Variants in MEI4 observed in about 807,000 individuals in gnomAD.
MEI4 encodes meiosis-specific protein MEI4.
A neutral mutation model predicts 31.4 loss-of-function variants in MEI4; 27 were observed. That is an observed-to-expected ratio of 0.86 (90% CI 0.63 to 1.19). The LOEUF (loss-of-function observed/expected upper bound fraction) is 1.19, where lower values mean the gene tolerates loss of function less well. MEI4 is among the 50% of genes most tolerant of loss of function. MEI4 has a pLI of 0.00. For missense variants in MEI4, 329 were observed against 398.9 expected (o/e 0.82, Z 1.49); for synonymous variants, 122 against 145.4 (o/e 0.84, Z 1.16).
At chr6:77,730,062 C>T (rs751523203) in intron 2 of MEI4, among the ~76,000 whole-genome samples, 6 of 151,890 alleles carry the variant, frequency 4.0e-5, no homozygotes, top group Non-Finnish European at 4.4e-5. Context: ...CAAACAAAGT[C>T]AGGCAAATTC....
At chr6:77,679,034 A>G (rs1422346134) in intron 1 of MEI4, among the ~76,000 whole-genome samples, 2 of 152,238 alleles carry the variant, frequency 1.3e-5, no homozygotes, top group African/African-American at 4.8e-5. Flanking sequence ...TATACAATGT[A>G]TATATGTTTC....
intron 3 of MEI4, among the ~76,000 whole-genome samples, chr6:77,806,008 A>T (rs557085531): frequency 1.3e-5 from 2 of 152,096 alleles, no homozygotes; most frequent in Non-Finnish European, 2.9e-5. Context: ...GATGAAAATA[A>T]CCTGACCTCT....
intron 4 of MEI4, among the ~76,000 whole-genome samples, chr6:77,913,936 A>T (rs35013493): frequency 0.29 from 44,238 of 150,826 alleles, 7,051 homozygotes; most frequent in South Asian, 0.38. Flanking sequence ...CCAGAGGCTA[A>T]GGCAGGAGAA....
chr6:77,770,522 C>T, intron 3 of MEI4, among the ~76,000 whole-genome samples: 1 of 151,802 alleles, frequency 6.6e-6, no homozygotes, highest in Non-Finnish European at 1.5e-5. Context: ...TTACACAGAA[C>T]CAAAAAAGAG....
intron 3 of MEI4, among the ~76,000 whole-genome samples, chr6:77,798,123 T>A (rs1769131190): frequency 1.3e-5 from 2 of 152,024 alleles, no homozygotes; most frequent in Admixed American, 1.3e-4. Flanking sequence ...ATTTTCAGTT[T>A]AAGATTCATA....
At chr6:77,727,448 G>A (rs928617632) in intron 2 of MEI4, among the ~76,000 whole-genome samples, 1 of 152,154 alleles carries the variant, frequency 6.6e-6, no homozygotes, top group African/African-American at 2.4e-5. Context: ...GCATTTACCA[G>A]GGACAGTCTG....
intron 4 of MEI4, among the ~76,000 whole-genome samples, chr6:77,883,771 G>A (rs12195420): frequency 0.045 from 3,031 of 67,100 alleles, 59 homozygotes; most frequent in Non-Finnish European, 0.063. Context: ...TTCATTTATT[G>A]GTGGACAGTT....
At chr6:77,907,855 A>G (rs1180062020) in intron 4 of MEI4, among the ~76,000 whole-genome samples, 7 of 151,922 alleles carry the variant, frequency 4.6e-5, no homozygotes, top group Admixed American at 1.3e-4. Context: ...TTGGTATGAG[A>G]TGGTATCTCA....
chr6:77,848,899 A>G (rs528369447), intron 4 of MEI4, among the ~76,000 whole-genome samples: 15 of 152,216 alleles, frequency 9.9e-5, no homozygotes, highest in East Asian at 3.9e-4. Flanking sequence ...AGTTCTTACT[A>G]TGGGGGAAGT....
At chr6:77,903,629 A>G (rs1766230499) in intron 4 of MEI4, among the ~76,000 whole-genome samples, 1 of 152,090 alleles carries the variant, frequency 6.6e-6, no homozygotes, top group Admixed American at 6.6e-5. Context: ...TAGAGGAAAG[A>G]CTTTCAACTT....
At chr6:77,858,994 G>C (rs1770804491) in intron 4 of MEI4, among the ~76,000 whole-genome samples, 1 of 151,378 alleles carries the variant, frequency 6.6e-6, no homozygotes, top group Non-Finnish European at 1.5e-5. Flanking sequence ...GCTGCACCTA[G>C]TGACCTCTCC....
chr6:77,924,819 G>T lies in MEI4; in HGVS notation c.*1473G>T, dbSNP rs997463309. ...ATCAAATGGTCAAGCCCAAAGAAAA[G>T]TGACTGACAGGGGAGTAGACTTGAG... On this transcript the variant is annotated 3_prime_UTR_variant, in exon 5 of 5. Transcript: ENST00000684080. 3.3e-5 allele frequency: 5 copies of T among 151,878 alleles called. No individual in the cohort carries two copies. In the Admixed American group the frequency reaches 3.3e-4, roughly 10 times the overall value. The allele number at this position is 151,878 out of a possible 1,614,324, so 9.4% of individuals were successfully genotyped here.
chr6:77,735,955 G>C (rs1027813560), intron 2 of MEI4, among the ~76,000 whole-genome samples: 6 of 113,070 alleles, frequency 5.3e-5, no homozygotes, highest in African/African-American at 1.2e-4. Context: ...CGGGGGTCAG[G>C]GGTCAGGGAC....
At position 77,880,396 on chromosome 6, in the gene MEI4, AATTT is replaced by A. The variant is rs770165293; in HGVS notation, c.901-42692_901-42689del. On this transcript the variant is annotated intron_variant, in intron 4 of 4. Transcript: ENST00000684080. ...CAGGCGCCCACCACCACGCCTGGCT[AATTT>A]TTTTGTATTTTTAGTAGAGACGGGG... is the stretch of plus-strand genomic sequence containing the variant. 1.0e-3 allele frequency among the ~76,000 whole-genome samples: 152 copies of A among 152,092 alleles called. 1 individual carries two copies. Among genetic ancestry groups the A allele is most frequent in the Middle Eastern group, 6.8e-3 (2 of 292 alleles).
At chr6:77,871,681 C>A (rs1191166806) in intron 4 of MEI4, among the ~76,000 whole-genome samples, 1 of 152,014 alleles carries the variant, frequency 6.6e-6, no homozygotes, top group African/African-American at 2.4e-5. Flanking sequence ...TACACATGTA[C>A]CACTGAATCT....
chr6:77,790,763 C>CA (rs1232228899), intron 3 of MEI4, among the ~76,000 whole-genome samples: 1 of 151,658 alleles, frequency 6.6e-6, no homozygotes, highest in African/African-American at 2.4e-5. Context: ...TTTAAGTCAA[C>CA]AAAAAAATTG....
intron 3 of MEI4, among the ~76,000 whole-genome samples, chr6:77,826,991 G>A (rs1182603239): frequency 6.6e-6 from 1 of 151,770 alleles, no homozygotes; most frequent in Non-Finnish European, 1.5e-5. Flanking sequence ...AATACCTTTG[G>A]GAATGCTACA....
At chr6:77,737,384 T>G (rs1767278909) in intron 2 of MEI4, among the ~76,000 whole-genome samples, 1 of 152,146 alleles carries the variant, frequency 6.6e-6, no homozygotes, top group South Asian at 2.1e-4. Flanking sequence ...GTGCTGGTAT[T>G]TTTAAAAGAT....
intron 2 of MEI4, among the ~76,000 whole-genome samples, chr6:77,708,092 G>A (rs1766371497): frequency 6.6e-6 from 1 of 152,162 alleles, no homozygotes; most frequent in Non-Finnish European, 1.5e-5. Context: ...GAATGGGACT[G>A]CCATCCTCCA....
Sources: allele counts gnomAD v4.1 joint callset (sites outside exome capture counted in the v4.1 genomes callset), GRCh38; gene constraint gnomAD v4.1.1; transcripts MANE v1.5; gene names NCBI Gene and HGNC (gene_info 2026-07-23, HGNC 2026-07-21).